Variants in FAT4 observed in about 807,000 individuals in gnomAD.
The protein encoded by FAT4 is protocadherin Fat 4.
A neutral mutation model predicts 303.9 loss-of-function variants in FAT4; 84 were observed. That is an observed-to-expected ratio of 0.28 (90% CI 0.23 to 0.33). The LOEUF is 0.33. Among genes scored for constraint, FAT4 ranks in the 10% least tolerant of loss-of-function variants. The pLI, the probability that FAT4 is intolerant of heterozygous loss-of-function variation, is 1.00. For missense variants in FAT4, 6,005 were observed against 6,146.8 expected, an observed-to-expected ratio of 0.98 and a Z score of 0.77; for synonymous variants, 2,307 against 2,298.8, an observed-to-expected ratio of 1.00 and a Z score of -0.10.
chr4:125,330,862 A>G (rs1731354140), intron 2 of FAT4, among the ~76,000 whole-genome samples: 1 of 152,018 alleles, frequency 6.6e-6, no homozygotes. Context: ...GACCCTGAAG[A>G]CCCTAGTTGA....
chr4:125,451,103 C>T lies in FAT4; in HGVS notation c.10093C>T (p.Arg3365Ter). The change falls in exon 10 of 18, where the codon CGA becomes TGA. Residue 3365 changes from arginine to a stop codon, truncating the protein, a stop_gained. Coordinates refer to ENST00000394329, the MANE Select transcript of FAT4 (RefSeq NM_001291303.3). LOFTEE classifies it high-confidence loss of function. ...GQIYVSGILD[R>*]EKEERVSLKV... ...GATTTATGTTTCTGGAATTCTTGAT[C>T]GAGAAAAAGAAGAAAGGGTGTCTTT... The T allele has an allele frequency of 1.2e-6, 2 of 1,613,902 alleles. No individual in the cohort carries two copies. Among genetic ancestry groups the T allele is most frequent in the Non-Finnish European group, 1.7e-6 (2 of 1,179,966 alleles).
intron 10 of FAT4, among the ~76,000 whole-genome samples, chr4:125,454,530 T>C (rs1379231355): frequency 6.8e-6 from 1 of 147,912 alleles, no homozygotes; most frequent in Non-Finnish European, 1.5e-5. Flanking sequence ...GTAAATATAA[T>C]GTTTGTAAAA....
rs1399194933 is a variant in FAT4 at position 125,415,454 on chromosome 4, A to G, written c.6491A>G (p.Asn2164Ser). ...CAAGCTTTGTATAAAGTGGAGATTA[A>G]TGAAAACACACTTACTGGAACAGAT... ...FAQALYKVEI[N>S]ENTLTGTDII... The change falls in exon 6 of 18, where the codon AAT (asparagine) becomes AGT (serine). Residue 2164 changes from asparagine to serine, a missense_variant. Transcript: ENST00000394329. 5.6e-6 allele frequency: 9 copies of G among 1,614,026 alleles called. No homozygotes were observed. Among genetic ancestry groups the G allele is most frequent in the Non-Finnish European group, 7.6e-6 (9 of 1,180,008 alleles).
intron 2 of FAT4, among the ~76,000 whole-genome samples, chr4:125,388,246 G>A (rs577397631): frequency 7.9e-5 from 12 of 152,330 alleles, no homozygotes; most frequent in African/African-American, 2.9e-4. Context: ...TTTAGTGGGA[G>A]GGACTGCAAA....
chr4:125,461,458 T>A (rs1159770053), intron 10 of FAT4, among the ~76,000 whole-genome samples: 4 of 152,032 alleles, frequency 2.6e-5, no homozygotes, highest in African/African-American at 9.7e-5. Flanking sequence ...CATTTGTTAC[T>A]TCTTATTTGT....
Position 125,449,686 on chromosome 4 carries a change from A to C in FAT4, c.8676A>C (p.Lys2892Asn). The C allele has an allele frequency of 8.7e-6, 14 of 1,613,972 alleles. No individual in the cohort carries two copies. The highest frequency in any genetic ancestry group is 1.2e-5 in the Non-Finnish European group (14 of 1,179,934). ...CTGAACTTACTGAGATTGGCTCCAAAGTAACTCAGGTATTTGCAACAGATC... is the reference window on the plus strand; with the variant it reads ...CTGAACTTACTGAGATTGGCTCCAACGTAACTCAGGTATTTGCAACAGATC... ...DCPELTEIGS[K>N]VTQVFATDPD... is the part of the protein sequence containing the mutation. The change falls in exon 10 of 18, where the codon AAA becomes AAC. Residue 2892 changes from lysine to asparagine, a missense_variant. Coordinates refer to ENST00000394329, the MANE Select transcript of FAT4 (RefSeq NM_001291303.3).
intron 2 of FAT4, among the ~76,000 whole-genome samples, chr4:125,387,555 T>G (rs1017698936): frequency 6.6e-6 from 1 of 152,194 alleles, no homozygotes; most frequent in African/African-American, 2.4e-5. Flanking sequence ...GATTCGTTCC[T>G]CTTGGATCAT....
intron 8 of FAT4, among the ~76,000 whole-genome samples, chr4:125,439,985 G>C (rs1725597639): frequency 1.3e-5 from 2 of 152,152 alleles, no homozygotes; most frequent in South Asian, 4.1e-4. Flanking sequence ...CAAACAGTAT[G>C]TATGGAATCA....
chr4:125,421,710 GT>G lies in FAT4; in HGVS notation c.7018+5097del, dbSNP rs547829418. ...TAGAGAAATCTGACATTAAGTGATG[GT>G]TTTTTTTTGGCCAGGAGGTTTCTTG... On this transcript the variant is annotated intron_variant, in intron 7 of 17. Coordinates refer to ENST00000394329, the MANE Select transcript of FAT4 (RefSeq NM_001291303.3). 2.7e-5 allele frequency among the ~76,000 whole-genome samples: 4 copies of G among 150,792 alleles called. No individual in the cohort carries two copies. The South Asian group carries it at 6.3e-4, about 24-fold the overall frequency.
intron 2 of FAT4, among the ~76,000 whole-genome samples, chr4:125,345,776 T>C (rs904298914): frequency 6.6e-6 from 1 of 152,198 alleles, no homozygotes; most frequent in Admixed American, 6.6e-5. Context: ...GATCTAGTTG[T>C]CTATATTTTA....
At chr4:125,390,501 A>T (rs141709036) in intron 2 of FAT4, among the ~76,000 whole-genome samples, 66 of 152,346 alleles carry the variant, frequency 4.3e-4, no homozygotes, top group African/African-American at 1.6e-3. Context: ...TTGAGATTCC[A>T]TACAGAAAAG....
At chr4:125,387,129 G>A (rs887591368) in intron 2 of FAT4, among the ~76,000 whole-genome samples, 1 of 152,190 alleles carries the variant, frequency 6.6e-6, no homozygotes, top group Non-Finnish European at 1.5e-5. Flanking sequence ...TATGGGCCGG[G>A]TTCCTAACAG....
chr4:125,316,753 G>A lies in FAT4; in HGVS notation c.342G>A (p.Ala114=). The change falls in exon 2 of 18, where the codon GCG becomes GCA. Residue 114 remains alanine (A), a synonymous_variant. Coordinates refer to ENST00000394329, the MANE Select transcript of FAT4 (RefSeq NM_001291303.3). The surrounding 1 kb of genome is among the most constrained non-coding windows in gnomAD (Gnocchi z 5.7). The stretch of plus-strand genomic sequence containing the variant: ...TCAACCTGGTGGTCCTTTCCAGCGC[G>A]CCCACCTACCCCACCGAAGTGCGAG... ...DVINLVVLSS[A]PTYPTEVRVL... 2 of 1,613,910 alleles carry A rather than the reference G, an allele frequency of 1.2e-6. No homozygotes were observed. Among genetic ancestry groups the A allele is most frequent in the East Asian group, 2.2e-5 (1 of 44,856 alleles).
chr4:125,409,244 A>G (rs1734750701), intron 5 of FAT4, among the ~76,000 whole-genome samples: 1 of 152,112 alleles, frequency 6.6e-6, no homozygotes, highest in East Asian at 1.9e-4. Flanking sequence ...TTTTTGGCTG[A>G]CAAATAGCTA....
intron 2 of FAT4, among the ~76,000 whole-genome samples, chr4:125,353,179 T>C (rs940820302): frequency 6.6e-5 from 10 of 151,714 alleles, no homozygotes. Context: ...CTATAGAAAG[T>C]TTGGCCTTCA....
In FAT4 at chr4:125,377,278, T is replaced by C. The variant is rs543639189; in HGVS notation, c.5176-21506T>C. On this transcript the variant is annotated intron_variant, in intron 2 of 17. Coordinates refer to ENST00000394329, the MANE Select transcript of FAT4 (RefSeq NM_001291303.3). ...GAAAAGAAGCCTTTACTATTTACTT[T>C]TATATTTCATATGTAGCTACAAAGT... Among the ~76,000 whole-genome samples the C allele has an allele frequency of 1.7e-4, 26 of 152,290 alleles. 1 individual carries two copies. The South Asian group carries it at 5.2e-3, about 30-fold the overall frequency.
In FAT4 at chr4:125,436,028, C is replaced by T. The variant is rs371225873; in HGVS notation, c.7199+1603C>T. ...AGACAGGAAGGGGAACATCACACAC[C>T]GGGGCCTGTCATGGGGTCGGGGGAG... On this transcript the variant is annotated intron_variant, in intron 8 of 17. Transcript: ENST00000394329. Among the ~76,000 whole-genome samples, 180 of 92,708 alleles carry T rather than the reference C, an allele frequency of 1.9e-3. 1 individual carries two copies. The highest frequency in any genetic ancestry group is 2.5e-3 in the South Asian group (6 of 2,406). The allele number at this position is 92,708 out of a possible 152,430, so 60.8% of individuals were successfully genotyped here. A position where few individuals can be genotyped will look rare whatever the true frequency, so the allele number is the denominator to read the frequency against.
chr4:125,370,275 G>A (rs1218801942), intron 2 of FAT4, among the ~76,000 whole-genome samples: 1 of 152,060 alleles, frequency 6.6e-6, no homozygotes, highest in African/African-American at 2.4e-5. Context: ...TGTGTTAAGG[G>A]CTTTTATATA....
intron 12 of FAT4, among the ~76,000 whole-genome samples, chr4:125,471,962 A>AGCT (rs1282876790): frequency 1.4e-5 from 2 of 143,972 alleles, no homozygotes; most frequent in Non-Finnish European, 3.0e-5. Context: ...CTGTAGTCCC[A>AGCT]GCTGCTGGGG....
Sources: allele counts gnomAD v4.1 joint callset (sites outside exome capture counted in the v4.1 genomes callset), GRCh38; gene constraint gnomAD v4.1.1; non-coding constraint Gnocchi (gnomAD v3.1); transcripts MANE v1.5; gene names NCBI Gene and HGNC (gene_info 2026-07-23, HGNC 2026-07-21).